The following DCP1A variants were observed in gnomAD, a reference collection of about 807,000 sequenced individuals.
DCP1A encodes the protein mRNA-decapping enzyme 1A.
In DCP1A, 20 loss-of-function variants were observed where a neutral mutation model predicts 58.0. The ratio of observed to expected loss-of-function variants is 0.34; its 90% CI spans 0.24 to 0.50. The LOEUF (loss-of-function observed/expected upper bound fraction) is 0.50, where lower values mean the gene tolerates loss of function less well. DCP1A is among the 20% of genes least tolerant of loss of function. DCP1A has a pLI of 0.98. For missense variants in DCP1A, 613 were observed against 712.2 expected (o/e 0.86, Z 1.59); for synonymous variants, 285 against 275.1 (o/e 1.04, Z -0.36).
At chr3:53,344,791 GA>G in intron 2 of DCP1A, 110 bp downstream of exon 2, 1 of 699,164 alleles carries the variant, frequency 1.4e-6, no homozygotes, top group Non-Finnish European at 2.4e-6. Context: ...ATGAAAACTT[GA>G]AGGGTACTAG....
At chr3:53,307,102 C>T (rs1209053835) in intron 5 of DCP1A, among the ~76,000 whole-genome samples, 2 of 152,010 alleles carry the variant, frequency 1.3e-5, no homozygotes, top group African/African-American at 4.8e-5. Flanking sequence ...GCACATACCA[C>T]CACACCCAGC....
chr3:53,311,963 A>G (rs1368576705), intron 5 of DCP1A, among the ~76,000 whole-genome samples: 1 of 151,900 alleles, frequency 6.6e-6, no homozygotes, highest in African/African-American at 2.4e-5. Context: ...TAAAAAAAAA[A>G]AAAGAGAGAC....
At chr3:53,330,823 ATAT>A (rs1553691194) in intron 3 of DCP1A, among the ~76,000 whole-genome samples, 2 of 103,384 alleles carry the variant, frequency 1.9e-5, no homozygotes. Context: ...ACATATATAT[ATAT>A]TTTTTTTTTT....
intron 5 of DCP1A, among the ~76,000 whole-genome samples, chr3:53,307,130 G>A (rs1278157749): frequency 1.3e-5 from 2 of 151,810 alleles, no homozygotes; most frequent in East Asian, 3.9e-4. Context: ...TCTATTTTTA[G>A]TAGAGATGGG....
At chr3:53,335,874 G>A (rs1451846808) in intron 3 of DCP1A, among the ~76,000 whole-genome samples, 1 of 151,916 alleles carries the variant, frequency 6.6e-6, no homozygotes, top group African/African-American at 2.4e-5. Context: ...ACCCAGGCTG[G>A]AGCGCAGTGG....
intron 8 of DCP1A, among the ~76,000 whole-genome samples, chr3:53,290,390 A>G (rs1706810207): frequency 6.7e-6 from 1 of 150,254 alleles, no homozygotes; most frequent in African/African-American, 2.5e-5. Flanking sequence ...ACCCATTCAC[A>G]AATACCGAGT....
In DCP1A at chr3:53,302,184, T is replaced by G. The variant is rs962835990; in HGVS notation, c.624+1993A>C. ...TTGTGTTAATATCCTGGTTGTCATA[T>G]CGTACTATATTTTGCAAAATGTTAT... On this transcript the variant is annotated intron_variant, in intron 6 of 9. Coordinates refer to ENST00000610213, the MANE Select transcript of DCP1A (RefSeq NM_018403.7). Among the ~76,000 whole-genome samples, 16 of 152,354 alleles carry G rather than the reference T, an allele frequency of 1.1e-4. 1 individual carries two copies. In the Middle Eastern group the frequency reaches 0.024, roughly 227 times the overall value.
intron 6 of DCP1A, among the ~76,000 whole-genome samples, chr3:53,297,471 C>T (rs781873506): frequency 6.6e-6 from 1 of 151,782 alleles, no homozygotes; most frequent in Non-Finnish European, 1.5e-5. Context: ...AGTGATAGTC[C>T]TGCCTCAACG....
intron 4 of DCP1A, among the ~76,000 whole-genome samples, chr3:53,316,562 C>G (rs1444566671): frequency 2.0e-5 from 3 of 150,232 alleles, no homozygotes; most frequent in East Asian, 2.0e-4. Context: ...CACCACTGTG[C>G]CTGGCTTCTC....
intron 1 of DCP1A, among the ~76,000 whole-genome samples, chr3:53,345,827 G>A (rs537401213): frequency 6.6e-6 from 1 of 151,448 alleles, no homozygotes; most frequent in Non-Finnish European, 1.5e-5. Flanking sequence ...TAAAATGTTA[G>A]GTTATTACTA....
Position 53,292,552 on chromosome 3 carries a change from T to C in DCP1A, c.900A>G (p.Thr300=). The change falls in exon 7 of 10, where the codon ACA becomes ACG. Residue 300 remains threonine, a synonymous_variant. Transcript: ENST00000610213. ...TPVLITPASI[T]QSNEKHAPTY... The stretch of plus-strand genomic sequence containing the variant: ...TTGGAGCATGCTTTTCATTGGACTG[T>C]GTGATGGAGGCTGGAGTGATTAGCA... 1 of 1,613,896 alleles carries C rather than the reference T, an allele frequency of 6.2e-7. No homozygotes were observed. The highest frequency in any genetic ancestry group is 8.5e-7 in the Non-Finnish European group (1 of 1,179,886).
At chr3:53,335,193 T>A (rs549572918) in intron 3 of DCP1A, among the ~76,000 whole-genome samples, 3 of 151,906 alleles carry the variant, frequency 2.0e-5, no homozygotes, top group Non-Finnish European at 4.4e-5. Flanking sequence ...TAGGCTGGAG[T>A]GCAGTGGCAT....
chr3:53,320,584 T>C (rs1372246482), intron 3 of DCP1A, among the ~76,000 whole-genome samples: 3 of 152,218 alleles, frequency 2.0e-5, no homozygotes, highest in Non-Finnish European at 2.9e-5. Flanking sequence ...TTTGAAATAA[T>C]TGTACCTTCA....
At chr3:53,336,799 C>T (rs2089123808) in intron 3 of DCP1A, among the ~76,000 whole-genome samples, 1 of 152,128 alleles carries the variant, frequency 6.6e-6, no homozygotes, top group Non-Finnish European at 1.5e-5. Flanking sequence ...AGGGAAGTCC[C>T]ATGGTTATTT....
At chr3:53,298,854 A>G (rs1237322082) in intron 6 of DCP1A, among the ~76,000 whole-genome samples, 1 of 152,234 alleles carries the variant, frequency 6.6e-6, no homozygotes, top group Non-Finnish European at 1.5e-5. Context: ...ATAAGAATAT[A>G]ATATTGTGTT....
At chr3:53,338,390 C>T (rs2089150949) in intron 3 of DCP1A, among the ~76,000 whole-genome samples, 1 of 151,854 alleles carries the variant, frequency 6.6e-6, no homozygotes, top group Non-Finnish European at 1.5e-5. Flanking sequence ...CAAGACCAGC[C>T]TGGGCAACAC....
chr3:53,323,283 G>A (rs1471121915), intron 3 of DCP1A, among the ~76,000 whole-genome samples: 3 of 152,218 alleles, frequency 2.0e-5, no homozygotes, highest in Non-Finnish European at 4.4e-5. Flanking sequence ...CTCAATGGAA[G>A]GAGCACAGAA....
intron 1 of DCP1A, 92 bp downstream of exon 1, chr3:53,347,291 T>C (rs1575628664): frequency 1.5e-6 from 2 of 1,369,234 alleles, no homozygotes; most frequent in East Asian, 5.8e-5. Flanking sequence ...CCTGGCCTCT[T>C]AGTGTGCCCC....
In DCP1A at chr3:53,292,777, G is replaced by A. The variant is rs1553686342; in HGVS notation, c.675C>T (p.Thr225=). 1 of 1,612,930 alleles carries A rather than the reference G, an allele frequency of 6.2e-7. No individual in the cohort carries two copies. Among genetic ancestry groups the A allele is most frequent in the African/African-American group, 1.3e-5 (1 of 74,988 alleles). ...CTGCTGGTTGTTCCTTTGGCAAAGA[G>A]GTTCCAAATAACTCTTCTACCGTCA... The part of the protein sequence containing the change: ...KHLTVEELFG[T]SLPKEQPAVV... The change falls in exon 7 of 10, where the codon ACC becomes ACT. Residue 225 remains threonine, a synonymous_variant. Transcript: ENST00000610213.
Sources: allele counts gnomAD v4.1 joint callset (sites outside exome capture counted in the v4.1 genomes callset), GRCh38; gene constraint gnomAD v4.1.1; transcripts MANE v1.5; gene names NCBI Gene and HGNC (gene_info 2026-07-23, HGNC 2026-07-21).